Variants in BCCIP observed in about 807,000 individuals in gnomAD.
BCCIP encodes the protein BRCA2 and CDKN1A interacting protein.
A neutral mutation model predicts 32.8 loss-of-function variants in BCCIP; 23 were observed. That is an observed-to-expected ratio of 0.70 (90% confidence interval 0.51 to 0.99). The LOEUF (loss-of-function observed/expected upper bound fraction) is 0.99, where lower values mean the gene tolerates loss of function less well. Among genes scored for constraint, BCCIP ranks in the 50% least tolerant of loss-of-function variants. The pLI is 0.00. For missense variants in BCCIP, 378 were observed against 379.8 expected (o/e 1.00, Z 0.04); for synonymous variants, 144 against 137.6 (o/e 1.05, Z -0.33).
downstream of BCCIP, chr10:125,836,940 C>A: frequency 8.5e-7 from 1 of 1,171,886 alleles, no homozygotes; most frequent in East Asian, 2.4e-5. Context: ...ACTTCCCATC[C>A]CTGGAGAATC....
intron 5 of BCCIP, 133 bp downstream of exon 5, chr10:125,831,740 G>A (rs1234441331): frequency 8.8e-6 from 7 of 795,352 alleles, no homozygotes; most frequent in Non-Finnish European, 1.3e-5. Flanking sequence ...TGTGAGGGGA[G>A]TGGAAGAAAC....
At chr10:125,841,187 T>TTGTGTGTGTG (rs34263964), downstream of BCCIP, 17 of 1,391,698 alleles carry the variant, frequency 1.2e-5, no homozygotes, top group Non-Finnish European at 1.6e-5. Flanking sequence ...CCCTCTCCTT[T>TTGTGTGTGTG]TGTGTGTGTG....
intron 1 of BCCIP, among the ~76,000 whole-genome samples, chr10:125,825,162 C>T (rs1444113493): frequency 2.0e-5 from 3 of 152,234 alleles, no homozygotes; most frequent in African/African-American, 7.2e-5. Context: ...AGTCTTAATT[C>T]TAAATCACCT....
At chr10:125,845,388 A>G (rs1390500932), downstream of BCCIP, among the ~76,000 whole-genome samples, 1 of 152,182 alleles carries the variant, frequency 6.6e-6, no homozygotes, top group Non-Finnish European at 1.5e-5. Context: ...GGTAGCTGAC[A>G]TTATGCAAAT....
chr10:125,837,161 G>A (rs1268733259), downstream of BCCIP, among the ~76,000 whole-genome samples: 1 of 152,158 alleles, frequency 6.6e-6, no homozygotes, highest in African/African-American at 2.4e-5. Context: ...CCATATAAGA[G>A]GCACCAATCG....
At chr10:125,839,243 G>C, downstream of BCCIP, 2 of 1,576,888 alleles carry the variant, frequency 1.3e-6, no homozygotes, top group Non-Finnish European at 1.7e-6. Flanking sequence ...AAGCTCTGAA[G>C]AGCCCAGGCC....
At chr10:125,839,200 A>G (rs1490884656), downstream of BCCIP, 1 of 1,611,952 alleles carries the variant, frequency 6.2e-7, no homozygotes, top group African/African-American at 1.3e-5. Flanking sequence ...TAGGAGGGAA[A>G]GAACACAAGG....
chr10:125,829,622 A>C (rs1854478141), intron 3 of BCCIP, among the ~76,000 whole-genome samples: 1 of 152,212 alleles, frequency 6.6e-6, no homozygotes, highest in African/African-American at 2.4e-5. Context: ...TTCTGACAAT[A>C]TTAGTAACTT....
At chr10:125,844,586 C>A (rs1431568096), downstream of BCCIP, among the ~76,000 whole-genome samples, 3 of 152,206 alleles carry the variant, frequency 2.0e-5, no homozygotes, top group Non-Finnish European at 4.4e-5. Flanking sequence ...TAATAAATAA[C>A]TAAATAGGAT....
intron 7 of BCCIP, among the ~76,000 whole-genome samples, chr10:125,851,416 C>T (rs1373508877): frequency 6.6e-6 from 1 of 152,160 alleles, no homozygotes; most frequent in Admixed American, 6.5e-5. Flanking sequence ...AGATAGTTTG[C>T]TTTTAAAAAT....
At chr10:125,826,996 T>TAAAAAAAA (rs374807277) in intron 2 of BCCIP, among the ~76,000 whole-genome samples, 6 of 129,274 alleles carry the variant, frequency 4.6e-5, no homozygotes, top group East Asian at 2.2e-4. Flanking sequence ...CCTCTGTCTC[T>TAAAAAAAA]AAAAAAAAAG....
chr10:125,852,705 C>A, intron 7 of BCCIP: 1 of 1,431,970 alleles, frequency 7.0e-7, no homozygotes, highest in South Asian at 1.3e-5. Context: ...GCTCACTGAT[C>A]CTGAAGAGAA....
In BCCIP at chr10:125,834,930, A is replaced by G. The variant is rs553643997; in HGVS notation, c.774+984A>G. On this transcript the variant is annotated intron_variant, in intron 6 of 6. Transcript: ENST00000278100. ...GGTGGATCACGAGGTCAGGAGATCG[A>G]GACCATCCTGGCTAACATGGTGAAA... Among the ~76,000 whole-genome samples, 86 of 148,252 alleles carry G rather than the reference A, an allele frequency of 5.8e-4. No individual in the cohort carries two copies. The South Asian group carries it at 0.018, about 32-fold the overall frequency.
downstream of BCCIP, among the ~76,000 whole-genome samples, chr10:125,842,990 A>G (rs1854923355): frequency 6.6e-6 from 1 of 152,066 alleles, no homozygotes; most frequent in African/African-American, 2.4e-5. Context: ...CATTACTTTC[A>G]ATGGCAAAAA....
At chr10:125,833,211 C>T (rs1854568538) in intron 5 of BCCIP, among the ~76,000 whole-genome samples, 1 of 151,534 alleles carries the variant, frequency 6.6e-6, no homozygotes, top group Non-Finnish European at 1.5e-5. Flanking sequence ...CATCCAGATG[C>T]ACAAGGCTAT....
downstream of BCCIP, among the ~76,000 whole-genome samples, chr10:125,844,870 C>T (rs1028293447): frequency 1.3e-5 from 2 of 152,204 alleles, no homozygotes; most frequent in Admixed American, 1.3e-4. Flanking sequence ...GCTGTACTCC[C>T]TGTGGAATAG....
At chr10:125,827,685 C>T in intron 3 of BCCIP, 47 bp downstream of exon 3, 1 of 1,387,122 alleles carries the variant, frequency 7.2e-7, no homozygotes, top group Non-Finnish European at 1.0e-6. Flanking sequence ...GTTCTTTATT[C>T]TGTTCATGCT....
chr10:125,845,193 A>G (rs1181153558), downstream of BCCIP, among the ~76,000 whole-genome samples: 1 of 152,168 alleles, frequency 6.6e-6, no homozygotes, highest in Non-Finnish European at 1.5e-5. Flanking sequence ...CCATGTTCTT[A>G]TAGTGTTCTT....
chr10:125,836,390 G>A lies in BCCIP; in HGVS notation c.*116G>A. On this transcript the variant is annotated 3_prime_UTR_variant, in exon 7 of 7. Coordinates refer to ENST00000278100, the MANE Select transcript of BCCIP (RefSeq NM_078468.3). ...ATTAAGTTCCTCTACAAAAAGTAGG[G>A]TTCTGTCCCATGTGTCTCTGACACA... The A allele has an allele frequency of 6.5e-7, 1 of 1,538,998 alleles. No homozygotes were observed. Among genetic ancestry groups the A allele is most frequent in the Non-Finnish European group, 8.7e-7 (1 of 1,146,374 alleles).
Sources: allele counts gnomAD v4.1 joint callset (sites outside exome capture counted in the v4.1 genomes callset), GRCh38; gene constraint gnomAD v4.1.1; transcripts MANE v1.5; gene names NCBI Gene and HGNC (gene_info 2026-07-23, HGNC 2026-07-21).